ARHGEF10: variants seen among roughly 807,000 people sequenced by gnomAD.
ARHGEF10 encodes Rho guanine nucleotide exchange factor (GEF) 10.
In ARHGEF10, 140 loss-of-function variants were observed where a neutral mutation model predicts 147.4. That is an observed-to-expected ratio of 0.95 (90% CI 0.83 to 1.09). The LOEUF (loss-of-function observed/expected upper bound fraction) is 1.09, where lower values mean the gene tolerates loss of function less well. ARHGEF10 is among the 50% of genes least tolerant of loss of function. The pLI, the probability that ARHGEF10 is intolerant of heterozygous loss-of-function variation, is 0.00. For synonymous variants in ARHGEF10, 902 were observed against 695.8 expected (o/e 1.30, Z -4.67); for missense variants, 2,222 against 1,752.7 (o/e 1.27, Z -4.78).
Position 1,843,373 on chromosome 8 carries a change from G to T in ARHGEF10, c.-27G>T. 1 of 1,612,836 alleles carries T rather than the reference G, an allele frequency of 6.2e-7. No homozygotes were observed. Among genetic ancestry groups the T allele is most frequent in the South Asian group, 1.1e-5 (1 of 91,046 alleles). Reference sequence around the variant, plus strand: ...TGCAGGAGCTCCTTCCCTTAACAGAGCTGAGAGAGGCATCTGGAGCTGCAG... The same window carrying T: ...TGCAGGAGCTCCTTCCCTTAACAGATCTGAGAGAGGCATCTGGAGCTGCAG... On this transcript the variant is annotated 5_prime_UTR_variant, in exon 2 of 29. Transcript: ENST00000349830.
intron 7 of ARHGEF10, 36 bp from the exon 8 acceptor site, chr8:1,876,535 A>C (rs954309695): frequency 1.2e-6 from 2 of 1,604,834 alleles, no homozygotes; most frequent in Non-Finnish European, 1.7e-6. Context: ...ATGGAATTCT[A>C]AAGTTTTAAT....
At chr8:1,947,748 G>A (rs1005654360) in intron 27 of ARHGEF10, among the ~76,000 whole-genome samples, 5 of 20,920 alleles carry the variant, frequency 2.4e-4, no homozygotes, top group Non-Finnish European at 3.9e-4. Flanking sequence ...CCGGCCCCCC[G>A]CACTGTCCCC....
chr8:1,853,969 G>A (rs1244492446), intron 2 of ARHGEF10, among the ~76,000 whole-genome samples: 4 of 152,208 alleles, frequency 2.6e-5, no homozygotes, highest in Admixed American at 6.5e-5. Flanking sequence ...GTTTGCAGAC[G>A]AGCTCACCAG....
chr8:1,838,969 G>A (rs561355095), intron 1 of ARHGEF10, among the ~76,000 whole-genome samples: 2 of 151,518 alleles, frequency 1.3e-5, no homozygotes, highest in South Asian at 4.2e-4. Context: ...GCTGTCTGGC[G>A]TGGGGACTCT....
intron 27 of ARHGEF10, among the ~76,000 whole-genome samples, chr8:1,949,735 A>G (rs1469543141): frequency 1.3e-5 from 2 of 152,124 alleles, no homozygotes; most frequent in Non-Finnish European, 2.9e-5. Context: ...GGAATTCAGT[A>G]AATGAAACCG....
intron 27 of ARHGEF10, among the ~76,000 whole-genome samples, chr8:1,946,879 C>A (rs752710873): frequency 3.3e-5 from 5 of 152,156 alleles, no homozygotes; most frequent in Non-Finnish European, 5.9e-5. Context: ...TGAATATATT[C>A]GGTGCACGGT....
intron 10 of ARHGEF10, 24 bp from the exon 11 acceptor site, chr8:1,885,577 A>T: frequency 1.3e-6 from 2 of 1,497,718 alleles, no homozygotes; most frequent in South Asian, 2.3e-5. Context: ...TGTAAAATTC[A>T]TGCATTTTGA....
At chr8:1,830,411 T>C (rs1336890433) in intron 1 of ARHGEF10, among the ~76,000 whole-genome samples, 1 of 152,226 alleles carries the variant, frequency 6.6e-6, no homozygotes, top group African/African-American at 2.4e-5. Context: ...CTTGAGGCCT[T>C]TCTCTGTTGG....
At chr8:1,858,688 G>A (rs1805806098) in intron 3 of ARHGEF10, 1 of 157,154 alleles carries the variant, frequency 6.4e-6, no homozygotes, top group African/African-American at 2.4e-5. Context: ...TCAGGCAGTG[G>A]TGGGAGAGCC....
rs116290617 is a variant in ARHGEF10, at chr8:1,829,032, G to A, written c.-48+4919G>A. On this transcript the variant is annotated intron_variant, in intron 1 of 28. Transcript: ENST00000349830. Reference sequence around the variant, plus strand: ...GTGCGTATCTGAGCGGACACGGACGGGGAGTCCTCGAGCTTTGGAGAGGAA... The same window carrying A: ...GTGCGTATCTGAGCGGACACGGACGAGGAGTCCTCGAGCTTTGGAGAGGAA... 7.3e-3 allele frequency among the ~76,000 whole-genome samples: 1,118 copies of A among 152,366 alleles called. 14 individuals are homozygous for A. The highest frequency in any genetic ancestry group is 0.026 in the African/African-American group (1,067 of 41,590).
intron 7 of ARHGEF10, chr8:1,871,003 C>CT (rs1466360872): frequency 6.7e-6 from 1 of 149,880 alleles, no homozygotes; most frequent in Non-Finnish European, 1.5e-5. Flanking sequence ...ATTCCAGCTA[C>CT]TTGGGAGGCT....
Position 1,877,048 on chromosome 8 carries a change from G to A in ARHGEF10, c.843+314G>A, listed in dbSNP as rs144158432. 1.1e-3 allele frequency among the ~76,000 whole-genome samples: 164 copies of A among 152,340 alleles called. 1 individual carries two copies. Among genetic ancestry groups the A allele is most frequent in the Admixed American group, 5.4e-3 (83 of 15,306 alleles). On this transcript the variant is annotated intron_variant, in intron 8 of 28. Transcript: ENST00000349830. ...TTTTAATGTATTATGTGCTTTGCAC[G>A]TAGCACCGTTTGCGGAACACTGAAT...
At chr8:1,825,931 T>A (rs867205916) in intron 1 of ARHGEF10, 18 of 618,248 alleles carry the variant, frequency 2.9e-5, no homozygotes, top group Non-Finnish European at 4.8e-5. Context: ...ATTAATAATA[T>A]GTTTTGAACA....
intron 18 of ARHGEF10, among the ~76,000 whole-genome samples, chr8:1,912,783 A>T (rs532875563): frequency 6.6e-6 from 1 of 152,098 alleles, no homozygotes; most frequent in South Asian, 2.1e-4. Flanking sequence ...TAAGCTCCCA[A>T]ACTCCCTGAT....
intron 26 of ARHGEF10, among the ~76,000 whole-genome samples, chr8:1,941,807 A>C (rs1415969209): frequency 6.6e-6 from 1 of 152,196 alleles, no homozygotes; most frequent in Non-Finnish European, 1.5e-5. Flanking sequence ...GTCTATGTTC[A>C]CATAATTTTC....
At chr8:1,864,496 C>A in intron 5 of ARHGEF10, 60 bp downstream of exon 5, 1 of 1,543,118 alleles carries the variant, frequency 6.5e-7, no homozygotes, top group East Asian at 2.2e-5. Context: ...AGGAGCTGGA[C>A]GTGGGGATCC....
At chr8:1,828,800 T>G (rs1412418411) in intron 1 of ARHGEF10, among the ~76,000 whole-genome samples, 4 of 152,224 alleles carry the variant, frequency 2.6e-5, no homozygotes, top group African/African-American at 9.6e-5. Context: ...TACATTTTGA[T>G]AAACCGTGGC....
chr8:1,855,955 C>T (rs1357094852), intron 2 of ARHGEF10, among the ~76,000 whole-genome samples: 1 of 151,500 alleles, frequency 6.6e-6, no homozygotes, highest in Non-Finnish European at 1.5e-5. Flanking sequence ...GTTTTGTTTA[C>T]GGTCGCTTGG....
chr8:1,881,942 A>G (rs959352036), intron 9 of ARHGEF10, among the ~76,000 whole-genome samples: 10 of 152,198 alleles, frequency 6.6e-5, no homozygotes, highest in African/African-American at 2.2e-4. Context: ...TTAAGGAATA[A>G]GAAATCAGAT....
Sources: allele counts gnomAD v4.1 joint callset (sites outside exome capture counted in the v4.1 genomes callset), GRCh38; gene constraint gnomAD v4.1.1; transcripts MANE v1.5; gene names NCBI Gene and HGNC (gene_info 2026-07-23, HGNC 2026-07-21).